The following PACRG variants were observed in gnomAD, a reference collection of about 807,000 sequenced individuals.
PACRG encodes parkin coregulated gene protein.
Under a neutral mutation model 29.7 loss-of-function variants are expected in PACRG, and 29 were observed. The ratio of observed to expected loss-of-function variants is 0.98; its 90% confidence interval spans 0.73 to 1.33. PACRG has a LOEUF of 1.33. Ranked by LOEUF, PACRG falls within the 40% of genes most tolerant of loss-of-function variation. The probability of loss-of-function intolerance (pLI) is 0.00; values close to 1 mark genes in which losing one functional copy is unlikely to be tolerated. For synonymous variants in PACRG, 116 were observed against 118.7 expected, an observed-to-expected ratio of 0.98 and a Z score of 0.15; for missense variants, 279 against 316.2, an observed-to-expected ratio of 0.88 and a Z score of 0.89.
intron 4 of PACRG, among the ~76,000 whole-genome samples, chr6:163,175,785 C>A (rs988314932): frequency 1.7e-5 from 2 of 118,934 alleles, no homozygotes; most frequent in Admixed American, 8.5e-5. Context: ...AGGAGGAGCT[C>A]TGCTTCTCAG....
intron 4 of PACRG, among the ~76,000 whole-genome samples, chr6:163,270,514 G>C (rs2128179860): frequency 1.3e-5 from 2 of 150,604 alleles, no homozygotes; most frequent in South Asian, 4.3e-4. Flanking sequence ...GGGACTAAAG[G>C]TGTATGCTAC....
chr6:162,792,221 T>C (rs1785010666), intron 1 of PACRG, among the ~76,000 whole-genome samples: 1 of 151,320 alleles, frequency 6.6e-6, no homozygotes, highest in Non-Finnish European at 1.5e-5. Flanking sequence ...AAACTAAGGG[T>C]GGGTTAAGGG....
At chr6:163,133,430 A>G (rs1218726483) in intron 4 of PACRG, among the ~76,000 whole-genome samples, 1 of 152,230 alleles carries the variant, frequency 6.6e-6, no homozygotes, top group Non-Finnish European at 1.5e-5. Context: ...CTTTTTGTGT[A>G]TAATCCCCAA....
intron 4 of PACRG, among the ~76,000 whole-genome samples, chr6:163,241,695 C>G (rs1782513885): frequency 6.6e-6 from 1 of 152,092 alleles, no homozygotes; most frequent in Non-Finnish European, 1.5e-5. Context: ...AGTTGAGGTA[C>G]ATGTTTATAG....
intron 4 of PACRG, among the ~76,000 whole-genome samples, chr6:163,137,072 A>G (rs960001425): frequency 2.0e-5 from 3 of 152,208 alleles, no homozygotes; most frequent in African/African-American, 7.2e-5. Flanking sequence ...ATAAGCACAG[A>G]GATTTTGTGA....
intron 2 of PACRG, among the ~76,000 whole-genome samples, chr6:162,966,818 G>A (rs1801076204): frequency 6.6e-6 from 1 of 151,542 alleles, no homozygotes; most frequent in Admixed American, 6.6e-5. Context: ...ATGGTCTCTT[G>A]TAAGGTTTTG....
At chr6:163,142,991 G>A (rs1302822396) in intron 4 of PACRG, among the ~76,000 whole-genome samples, 3 of 152,172 alleles carry the variant, frequency 2.0e-5, no homozygotes, top group Admixed American at 2.0e-4. Flanking sequence ...GTATCCTGGT[G>A]GAATCCTGAA....
intron 4 of PACRG, among the ~76,000 whole-genome samples, chr6:163,232,871 C>T (rs1290538022): frequency 3.3e-5 from 5 of 152,244 alleles, no homozygotes; most frequent in African/African-American, 1.2e-4. Context: ...GCCAGCCCCT[C>T]CACCCCTCCT....
chr6:163,283,733 G>A lies in PACRG; in HGVS notation c.614-31094G>A, dbSNP rs575042110. 2.4e-3 allele frequency among the ~76,000 whole-genome samples: 365 copies of A among 151,250 alleles called. 4 individuals carry two copies. Among genetic ancestry groups the A allele is most frequent in the African/African-American group, 7.0e-3 (288 of 41,138 alleles). On this transcript the variant is annotated intron_variant, in intron 4 of 4. Coordinates refer to ENST00000366888, the MANE Select transcript of PACRG (RefSeq NM_001080379.2). ...GGAGAATGGCGTGAACCCGGGAAGC[G>A]GAGCTTGCAGTGAGCCGAGATTGTG...
chr6:162,784,566 A>G lies in PACRG; in HGVS notation c.157-29581A>G, dbSNP rs568540094. Among the ~76,000 whole-genome samples the G allele has an allele frequency of 4.6e-5, 7 of 152,274 alleles. No individual in the cohort carries two copies. The East Asian group carries it at 1.4e-3, about 29-fold the overall frequency. On this transcript the variant is annotated intron_variant, in intron 1 of 4. Coordinates refer to ENST00000366888, the MANE Select transcript of PACRG (RefSeq NM_001080379.2). ...TTGTTTTATTGTTGTTTGTCATAGC[A>G]AATTCTGTTTTTCTAAGACAGAAAT...
intron 2 of PACRG, among the ~76,000 whole-genome samples, chr6:162,940,286 C>T (rs953910674): frequency 2.0e-5 from 3 of 152,132 alleles, no homozygotes; most frequent in African/African-American, 7.2e-5. Context: ...CTAGGCAAGG[C>T]AGAGATTGAG....
chr6:162,988,731 T>A (rs1041494087), intron 2 of PACRG, among the ~76,000 whole-genome samples: 1 of 152,150 alleles, frequency 6.6e-6, no homozygotes, highest in Non-Finnish European at 1.5e-5. Context: ...AGAAAGGGAA[T>A]GGTTATATAA....
intron 2 of PACRG, among the ~76,000 whole-genome samples, chr6:162,947,349 A>ATGT (rs1491156729): frequency 2.4e-5 from 1 of 41,776 alleles, no homozygotes; most frequent in Admixed American, 3.5e-4. Context: ...TATAATGATT[A>ATGT]CATATATATA....
At chr6:162,760,671 A>G (rs1782278868) in intron 1 of PACRG, among the ~76,000 whole-genome samples, 1 of 152,094 alleles carries the variant, frequency 6.6e-6, no homozygotes, top group African/African-American at 2.4e-5. Context: ...GTAGGAACTG[A>G]GATGAGATAG....
At chr6:162,882,191 G>T (rs1008511635) in intron 2 of PACRG, among the ~76,000 whole-genome samples, 4 of 101,818 alleles carry the variant, frequency 3.9e-5, no homozygotes, top group Admixed American at 9.9e-5. Context: ...GACTGGGGGT[G>T]GGGGGGCGCA....
chr6:163,282,969 G>A (rs1784269436), intron 4 of PACRG, among the ~76,000 whole-genome samples: 1 of 152,100 alleles, frequency 6.6e-6, no homozygotes, highest in Admixed American at 6.5e-5. Context: ...AAATTTTAGT[G>A]GTTATCATTT....
At chr6:163,199,512 C>T (rs1453876847) in intron 4 of PACRG, among the ~76,000 whole-genome samples, 1 of 152,198 alleles carries the variant, frequency 6.6e-6, no homozygotes, top group Non-Finnish European at 1.5e-5. Flanking sequence ...AGCCACAGAG[C>T]AGGCAAGGAC....
intron 1 of PACRG, among the ~76,000 whole-genome samples, chr6:162,772,208 A>G (rs557154534): frequency 2.0e-5 from 3 of 152,348 alleles, no homozygotes; most frequent in East Asian, 3.9e-4. Flanking sequence ...TTTCCAGTCC[A>G]TCATTAGCAC....
At chr6:163,242,068 A>G (rs935192989) in intron 4 of PACRG, among the ~76,000 whole-genome samples, 3 of 152,058 alleles carry the variant, frequency 2.0e-5, no homozygotes, top group African/African-American at 7.2e-5. Flanking sequence ...TTAAAAGAAA[A>G]AAAGATTTTT....
Sources: gnomAD v4.1 joint callset for allele counts (sites outside exome capture counted in the v4.1 genomes callset) on GRCh38, gnomAD v4.1.1 for gene constraint, MANE v1.5 for transcripts, NCBI Gene and HGNC (gene_info 2026-07-23, HGNC 2026-07-21) for gene names.